EYS: variants seen among roughly 807,000 people sequenced by gnomAD.
The protein encoded by EYS is EGF-like photoreceptor maintenance factor, also known as protein eyes shut homolog.
Under a neutral mutation model 282.1 loss-of-function variants are expected in EYS, and 250 were observed. That is an observed-to-expected ratio of 0.89 (90% confidence interval 0.80 to 0.98). The LOEUF is 0.98. EYS is among the 50% of genes least tolerant of loss of function. The pLI is 0.00. For synonymous variants in EYS, 1,355 were observed against 1,282.9 expected, an observed-to-expected ratio of 1.06 and a Z score of -1.20; for missense variants, 4,016 against 3,709.0, an observed-to-expected ratio of 1.08 and a Z score of -2.15.
chr6:65,360,140 C>T (rs1485402111), intron 8 of EYS, among the ~76,000 whole-genome samples: 3 of 151,778 alleles, frequency 2.0e-5, no homozygotes, highest in African/African-American at 7.3e-5. Context: ...TTTTATGACG[C>T]CACCTTCTTG....
Position 64,117,787 on chromosome 6 carries a change from T to A in EYS, c.6425-35785A>T, listed in dbSNP as rs1219261004. 3.9e-5 allele frequency among the ~76,000 whole-genome samples: 6 copies of A among 151,946 alleles called. No homozygotes were observed. In the South Asian group the frequency reaches 6.2e-4, roughly 16 times the overall value. ...GTCCCTGTTTGCAGATAACATAGTC[T>A]TATATATTTAAAGAAATCTAAAAAC... On this transcript the variant is annotated intron_variant, in intron 31 of 42. Coordinates refer to ENST00000503581, the MANE Select transcript of EYS (RefSeq NM_001142800.2).
intron 5 of EYS, among the ~76,000 whole-genome samples, chr6:65,465,941 C>A (rs1764982361): frequency 1.3e-5 from 2 of 151,830 alleles, no homozygotes; most frequent in South Asian, 4.1e-4. Context: ...CACTGCCCCA[C>A]AGCCTGGATG....
chr6:63,984,614 A>T lies in EYS; in HGVS notation c.6835-11T>A. 1 of 1,514,884 alleles carries T rather than the reference A, an allele frequency of 6.6e-7. No individual in the cohort carries two copies. Among genetic ancestry groups the T allele is most frequent in the Non-Finnish European group, 9.0e-7 (1 of 1,115,062 alleles). The allele number at this position is 1,514,884 out of a possible 1,614,324, so 93.8% of individuals were successfully genotyped here. A position where few individuals can be genotyped will look rare whatever the true frequency, so the allele number is the denominator to read the frequency against. ...TGATTCAAAATATGCCTGTAGAAAAAGTAACAACAAAAAATATTATAGGTT... is the reference window on the plus strand; with the variant it reads ...TGATTCAAAATATGCCTGTAGAAAATGTAACAACAAAAAATATTATAGGTT... On this transcript the variant is annotated splice_polypyrimidine_tract_variant and intron_variant, in intron 34 of 42. Coordinates refer to ENST00000503581, the MANE Select transcript of EYS (RefSeq NM_001142800.2).
intron 12 of EYS, among the ~76,000 whole-genome samples, chr6:65,091,632 T>C (rs757454467): frequency 1.1e-4 from 16 of 152,082 alleles, no homozygotes; most frequent in Non-Finnish European, 2.2e-4. Flanking sequence ...TTCACGTAGT[T>C]TGAGTTTTTA....
intron 40 of EYS, among the ~76,000 whole-genome samples, chr6:63,763,616 T>A (rs866151914): frequency 2.6e-5 from 4 of 151,756 alleles, no homozygotes; most frequent in Middle Eastern, 6.8e-3. Flanking sequence ...GCTTCCTTCT[T>A]CAATGGGCGC....
In EYS at chr6:63,720,639, C is replaced by T. The variant is rs772888249; in HGVS notation, c.9392G>A (p.Gly3131Glu). ...TTCATCTCCATCATAAACATTGTAT[C>T]CTTCTAATTTAATTAGTTCAATGTT... ...PKNIELIKLE[G>E]YNVYDGDEQN... The change falls in exon 43 of 43, where the codon GGA (glycine) becomes GAA (glutamate). Residue 3131 changes from glycine (G) to glutamate (E), a missense_variant. By Grantham distance (98) the Gly-to-Glu change is moderately conservative (BLOSUM62 -2). Coordinates refer to ENST00000503581, the MANE Select transcript of EYS (RefSeq NM_001142800.2). 3.9e-6 allele frequency: 6 copies of T among 1,521,414 alleles called. No individual in the cohort carries two copies. The highest frequency in any genetic ancestry group is 5.3e-6 in the Non-Finnish European group (6 of 1,132,534). 94.2% of individuals were successfully genotyped at this position (1,521,414 alleles called of 1,614,324 possible).
At chr6:65,183,524 T>G (rs941508236) in intron 12 of EYS, among the ~76,000 whole-genome samples, 9 of 151,926 alleles carry the variant, frequency 5.9e-5, no homozygotes, top group African/African-American at 2.2e-4. Context: ...ACTAAAAAGT[T>G]TATTTGGAAA....
At chr6:64,947,997 T>C (rs1184681811) in intron 14 of EYS, among the ~76,000 whole-genome samples, 3 of 151,844 alleles carry the variant, frequency 2.0e-5, no homozygotes, top group Non-Finnish European at 2.9e-5. Flanking sequence ...TCAGTCAAAT[T>C]TTTCCTATTA....
intron 18 of EYS, among the ~76,000 whole-genome samples, chr6:64,897,662 G>A (rs747495555): frequency 2.4e-4 from 37 of 152,042 alleles, no homozygotes; most frequent in Non-Finnish European, 3.4e-4. Context: ...TCCTCTGAGC[G>A]AAAAAAGCAT....
chr6:63,793,057 G>T (rs1359340265), intron 37 of EYS, among the ~76,000 whole-genome samples: 1 of 152,154 alleles, frequency 6.6e-6, no homozygotes, highest in Admixed American at 6.5e-5. Context: ...TATGTTTAAT[G>T]ACTAAGTGGG....
chr6:64,372,376 T>C (rs1772413508), intron 29 of EYS, among the ~76,000 whole-genome samples: 1 of 152,132 alleles, frequency 6.6e-6, no homozygotes, highest in African/African-American at 2.4e-5. Flanking sequence ...CCCAATCTCT[T>C]CTGATTTGTA....
intron 26 of EYS, among the ~76,000 whole-genome samples, chr6:64,510,880 C>T (rs1404430378): frequency 6.6e-6 from 1 of 152,012 alleles, no homozygotes; most frequent in Non-Finnish European, 1.5e-5. Flanking sequence ...TGAGACAATT[C>T]CACGGAGTTG....
chr6:64,083,720 T>A (rs1317464625), intron 31 of EYS, among the ~76,000 whole-genome samples: 1 of 152,210 alleles, frequency 6.6e-6, no homozygotes, highest in African/African-American at 2.4e-5. Flanking sequence ...TTCAGATAAA[T>A]AACAAATAAG....
At chr6:64,497,730 T>C (rs766853096) in intron 26 of EYS, among the ~76,000 whole-genome samples, 2 of 152,024 alleles carry the variant, frequency 1.3e-5, no homozygotes. Context: ...ACAACCCAGA[T>C]TGAGATTTGG....
intron 12 of EYS, among the ~76,000 whole-genome samples, chr6:65,088,597 T>A (rs900520013): frequency 2.0e-5 from 3 of 152,064 alleles, no homozygotes; most frequent in African/African-American, 7.2e-5. Context: ...AAGCGGGGCA[T>A]GAAAGTTCAG....
intron 19 of EYS, among the ~76,000 whole-genome samples, chr6:64,862,685 A>ATTAT (rs563867366): frequency 6.6e-6 from 1 of 151,748 alleles, no homozygotes. Context: ...AATTATTATT[A>ATTAT]TTTTTTTGCA....
chr6:64,650,441 C>A (rs562549995), intron 22 of EYS, among the ~76,000 whole-genome samples: 1 of 151,770 alleles, frequency 6.6e-6, no homozygotes, highest in East Asian at 1.9e-4. Flanking sequence ...CAAAGAGAAA[C>A]CCCAAAAAGA....
chr6:64,427,102 A>C (rs1392725013), intron 28 of EYS, among the ~76,000 whole-genome samples: 1 of 152,134 alleles, frequency 6.6e-6, no homozygotes, highest in African/African-American at 2.4e-5. Context: ...ACTGTGTTTT[A>C]TTGCAGTTAG....
chr6:65,271,881 G>A (rs1767916058), intron 12 of EYS, among the ~76,000 whole-genome samples: 1 of 152,128 alleles, frequency 6.6e-6, no homozygotes, highest in African/African-American at 2.4e-5. Context: ...ACTGCACCCA[G>A]CACCAGTCAA....
Sources: gnomAD v4.1 joint callset for allele counts (sites outside exome capture counted in the v4.1 genomes callset) on GRCh38, gnomAD v4.1.1 for gene constraint, MANE v1.5 for transcripts, NCBI Gene and HGNC (gene_info 2026-07-23, HGNC 2026-07-21) for gene names.